PTPRB: variants seen among roughly 807,000 people sequenced by gnomAD.
The protein encoded by PTPRB is protein tyrosine phosphatase receptor type B.
In PTPRB, 97 loss-of-function variants were observed where a neutral mutation model predicts 238.1. The observed-to-expected ratio is 0.41, with a 90% CI of 0.35 to 0.48. PTPRB has a LOEUF of 0.48. Among genes scored for constraint, PTPRB ranks in the 20% least tolerant of loss-of-function variants. The pLI is 0.30. For synonymous variants in PTPRB, 970 were observed against 995.4 expected, an observed-to-expected ratio of 0.97 and a Z score of 0.48; for missense variants, 2,292 against 2,681.9, an observed-to-expected ratio of 0.85 and a Z score of 3.21.
At chr12:70,575,698 C>G (rs1880611711) in intron 11 of PTPRB, among the ~76,000 whole-genome samples, 2 of 152,194 alleles carry the variant, frequency 1.3e-5, no homozygotes, top group South Asian at 2.1e-4. Flanking sequence ...TGATGCCAAC[C>G]TTAAGCAGAA....
intron 2 of PTPRB, among the ~76,000 whole-genome samples, chr12:70,625,778 T>C (rs934614439): frequency 1.3e-5 from 2 of 152,178 alleles, no homozygotes; most frequent in African/African-American, 4.8e-5. Flanking sequence ...AGCTTTATTG[T>C]GTCATTGTTA....
At chr12:70,614,820 C>A (rs1884609314) in intron 3 of PTPRB, among the ~76,000 whole-genome samples, 1 of 152,132 alleles carries the variant, frequency 6.6e-6, no homozygotes, top group African/African-American at 2.4e-5. Context: ...AAAGTGAATA[C>A]AATTTTAACC....
At chr12:70,621,237 G>T (rs1884914995) in intron 3 of PTPRB, among the ~76,000 whole-genome samples, 1 of 152,174 alleles carries the variant, frequency 6.6e-6, no homozygotes, top group Non-Finnish European at 1.5e-5. Flanking sequence ...TGGGTGAAAA[G>T]CTTGGTGGAG....
chr12:70,573,504 T>A (rs917701030), intron 11 of PTPRB, among the ~76,000 whole-genome samples: 1 of 99,630 alleles, frequency 1.0e-5, no homozygotes, highest in Non-Finnish European at 2.3e-5. Context: ...TCTTTTCTTT[T>A]CTTTTTTTTT....
chr12:70,581,420 T>C (rs1189206208), intron 9 of PTPRB, 118 bp from the exon 10 acceptor site: 11 of 1,076,450 alleles, frequency 1.0e-5, no homozygotes, highest in East Asian at 7.8e-5. Context: ...TTTTGTGTTG[T>C]TGCTATAGAC....
intron 32 of PTPRB, among the ~76,000 whole-genome samples, chr12:70,528,879 G>A (rs1406475126): frequency 2.7e-5 from 4 of 148,836 alleles, no homozygotes; most frequent in Non-Finnish European, 5.9e-5. Flanking sequence ...TGCAAAAGCA[G>A]GAGGAAGGTT....
At chr12:70,535,894 G>T in intron 29 of PTPRB, 131 bp downstream of exon 29, 1 of 1,089,300 alleles carries the variant, frequency 9.2e-7, no homozygotes, top group East Asian at 2.4e-5. Context: ...TGAACAGAGT[G>T]GTATAAGTCA....
At chr12:70,611,251 GAA>G (rs1395702736) in intron 3 of PTPRB, among the ~76,000 whole-genome samples, 1 of 151,816 alleles carries the variant, frequency 6.6e-6, no homozygotes, top group Admixed American at 6.6e-5. Flanking sequence ...GTTAAAACAA[GAA>G]AAAAGAAAAA....
intron 9 of PTPRB, chr12:70,585,262 A>T (rs1592536107): frequency 6.6e-6 from 1 of 152,280 alleles, no homozygotes; most frequent in Non-Finnish European, 1.5e-5. Flanking sequence ...TCCAACTAAA[A>T]AGGGAAATCT....
At chr12:70,604,196 G>A (rs984721343) in intron 4 of PTPRB, among the ~76,000 whole-genome samples, 1 of 152,048 alleles carries the variant, frequency 6.6e-6, no homozygotes, top group Non-Finnish European at 1.5e-5. Context: ...AGCTGTGATT[G>A]TGCCACTGCA....
intron 4 of PTPRB, among the ~76,000 whole-genome samples, chr12:70,601,298 G>A (rs188447268): frequency 1.3e-4 from 19 of 151,940 alleles, no homozygotes; most frequent in East Asian, 3.9e-4. Context: ...ACCACGCCCC[G>A]CCTCTTCCTT....
Position 70,544,570 on chromosome 12 carries a change from G to C in PTPRB, c.5481C>G (p.Ile1827Met), listed in dbSNP as rs1448003432. The change falls in exon 22 of 34, where the codon ATC (isoleucine) becomes ATG (methionine). Residue 1827 changes from isoleucine (I) to methionine (M), a missense_variant. By Grantham distance (10) the Ile-to-Met change is conservative. Around this residue, in one of 4 missense-constraint regions of PTPRB, gnomAD observed 397 missense variants for 502.0 expected, o/e 0.79. Transcript: ENST00000334414. ...GGTTAGCCTTACCTGATTCAGTAGT[G>C]ATGGGTAAAGAAAAAAATGTGTCTG... ...LYSDTFFSLP[I>M]TTESEPLFGA... The C allele has an allele frequency of 6.2e-7, 1 of 1,609,628 alleles. No homozygotes were observed. The highest frequency in any genetic ancestry group is 1.7e-5 in the Admixed American group (1 of 59,750).
At chr12:70,633,519 A>G (rs1471755300) in intron 2 of PTPRB, among the ~76,000 whole-genome samples, 1 of 152,178 alleles carries the variant, frequency 6.6e-6, no homozygotes, top group Admixed American at 6.5e-5. Context: ...GCAGAAAAAT[A>G]TATCTGTTAG....
At chr12:70,597,325 C>T (rs1312034602) in intron 4 of PTPRB, among the ~76,000 whole-genome samples, 6 of 152,176 alleles carry the variant, frequency 3.9e-5, no homozygotes, top group South Asian at 2.1e-4. Flanking sequence ...CAGCTGTTCA[C>T]CTTATTTCAA....
chr12:70,611,960 C>G (rs1884474314), intron 3 of PTPRB, among the ~76,000 whole-genome samples: 1 of 152,202 alleles, frequency 6.6e-6, no homozygotes, highest in African/African-American at 2.4e-5. Context: ...CTCTGGCTGC[C>G]CTCAGCCTTT....
chr12:70,546,727 C>T (rs1260073533), intron 21 of PTPRB, among the ~76,000 whole-genome samples: 3 of 152,062 alleles, frequency 2.0e-5, no homozygotes, highest in Non-Finnish European at 2.9e-5. Flanking sequence ...GAGCTGCCTC[C>T]TAGGTTGAGA....
chr12:70,618,858 T>G (rs1884792461), intron 3 of PTPRB, among the ~76,000 whole-genome samples: 1 of 152,202 alleles, frequency 6.6e-6, no homozygotes, highest in Non-Finnish European at 1.5e-5. Flanking sequence ...TTAATTCATT[T>G]ACTGCTCAGG....
At chr12:70,564,360 A>G (rs914678969) in intron 15 of PTPRB, among the ~76,000 whole-genome samples, 1 of 151,830 alleles carries the variant, frequency 6.6e-6, no homozygotes, top group Non-Finnish European at 1.5e-5. Context: ...AAAAATATAA[A>G]AATTAGCCGG....
intron 31 of PTPRB, 116 bp from the exon 32 acceptor site, chr12:70,532,286 G>C: frequency 7.8e-7 from 1 of 1,274,036 alleles, no homozygotes; most frequent in South Asian, 1.6e-5. Flanking sequence ...GAGAAGATAG[G>C]AATATTTCTT....
Sources: allele counts gnomAD v4.1 joint callset (sites outside exome capture counted in the v4.1 genomes callset), GRCh38; gene constraint gnomAD v4.1.1; regional missense constraint gnomAD v4.1.1; transcripts MANE v1.5; gene names NCBI Gene and HGNC (gene_info 2026-07-23, HGNC 2026-07-21).